Variants in PCM1 observed in about 807,000 individuals in gnomAD.
PCM1 encodes the protein pericentriolar material 1, also known as pericentriolar material 1 protein.
A neutral mutation model predicts 241.9 loss-of-function variants in PCM1; 157 were observed. The ratio of observed to expected loss-of-function variants is 0.65; its 90% CI spans 0.57 to 0.74. The LOEUF (loss-of-function observed/expected upper bound fraction) is 0.74. Among genes scored for constraint, PCM1 ranks in the 30% least tolerant of loss-of-function variants. The probability of loss-of-function intolerance (pLI) is 0.00; values close to 1 mark genes in which losing one functional copy is unlikely to be tolerated. For synonymous variants in PCM1, 1,085 were observed against 784.9 expected, an observed-to-expected ratio of 1.38 and a Z score of -6.39; for missense variants, 3,478 against 2,360.1, an observed-to-expected ratio of 1.47 and a Z score of -9.81.
At chr8:17,933,001 G>T (rs975710450) in intron 2 of PCM1, among the ~76,000 whole-genome samples, 15 of 152,106 alleles carry the variant, frequency 9.9e-5, no homozygotes, top group African/African-American at 3.4e-4. Flanking sequence ...TGACTCAAAC[G>T]ATTTTTCCCC....
chr8:17,991,126 C>T (rs1368237993), intron 27 of PCM1, among the ~76,000 whole-genome samples: 2 of 151,682 alleles, frequency 1.3e-5, no homozygotes, highest in Non-Finnish European at 2.9e-5. Flanking sequence ...ATTGATAGGC[C>T]TTTTTCTTAC....
intron 29 of PCM1, among the ~76,000 whole-genome samples, chr8:17,994,762 AGT>A: frequency 6.8e-6 from 1 of 146,212 alleles, no homozygotes; most frequent in African/African-American, 2.8e-5. Context: ...TTCTCGTTGT[AGT>A]TTTGATTGTC....
At chr8:18,012,765 T>G (rs1422655853) in intron 34 of PCM1, among the ~76,000 whole-genome samples, 1 of 152,218 alleles carries the variant, frequency 6.6e-6, no homozygotes, top group Non-Finnish European at 1.5e-5. Flanking sequence ...TACTCATGGA[T>G]TGATCTTCTG....
At chr8:17,951,119 C>T (rs986859079) in intron 8 of PCM1, among the ~76,000 whole-genome samples, 1 of 152,122 alleles carries the variant, frequency 6.6e-6, no homozygotes, top group African/African-American at 2.4e-5. Context: ...TTCTATACAG[C>T]CTTGGAATTC....
intron 8 of PCM1, 41 bp from the exon 9 acceptor site, chr8:17,952,929 T>G: frequency 1.7e-6 from 2 of 1,201,644 alleles, no homozygotes; most frequent in Non-Finnish European, 2.3e-6. Flanking sequence ...TTTAATTGCG[T>G]TAGTCTTAAT....
chr8:17,984,824 G>T (rs1409091071), intron 24 of PCM1, among the ~76,000 whole-genome samples: 5 of 151,896 alleles, frequency 3.3e-5, no homozygotes, highest in Admixed American at 6.6e-5. Context: ...ACTTCAGTTG[G>T]ATCACTTGCC....
intron 7 of PCM1, 115 bp downstream of exon 7, chr8:17,947,478 C>A (rs1004921756): frequency 3.9e-6 from 3 of 778,692 alleles, no homozygotes; most frequent in Admixed American, 2.6e-5. Flanking sequence ...AGTTTAGAAA[C>A]CTTCATATGA....
intron 27 of PCM1, among the ~76,000 whole-genome samples, chr8:17,990,980 G>T (rs896444029): frequency 6.6e-5 from 10 of 151,814 alleles, no homozygotes; most frequent in African/African-American, 9.7e-5. Context: ...CACCCCTTAG[G>T]TTGTCCCTCT....
intron 23 of PCM1, among the ~76,000 whole-genome samples, chr8:17,975,388 C>A (rs909590588): frequency 6.6e-6 from 1 of 152,046 alleles, no homozygotes; most frequent in African/African-American, 2.4e-5. Flanking sequence ...GTCTTGAACT[C>A]CCGATCTCAG....
Position 17,972,345 on chromosome 8 carries a change from G to C in PCM1, c.3601G>C (p.Glu1201Gln). The C allele has an allele frequency of 1.3e-6, 2 of 1,509,024 alleles. No individual in the cohort carries two copies. The highest frequency in any genetic ancestry group is 1.8e-4 in the Middle Eastern group (1 of 5,608). 93.5% of individuals were successfully genotyped at this position (1,509,024 alleles called of 1,614,324 possible). A position where few individuals can be genotyped will look rare whatever the true frequency, so the allele number is the denominator to read the frequency against. The change falls in exon 23 of 39, where the codon GAA becomes CAA. Residue 1201 changes from glutamate to glutamine, a missense_variant. Transcript: ENST00000325083. ...AEKPRNKKLP[E>Q]EEVESSRTPW... The stretch of plus-strand genomic sequence containing the variant: ...ATTGGTAAGGAATAAAAAACTGCCT[G>C]AAGAGGAGGTGGAAAGCAGTAGGAC...
Position 17,962,124 on chromosome 8 carries a change from A to G in PCM1, c.2413A>G (p.Thr805Ala). Residue 805 changes from threonine to alanine, a missense_variant, in exon 16 of 39, where the codon ACA (threonine) becomes GCA (alanine). By Grantham distance (58) the Thr-to-Ala change is moderately conservative (BLOSUM62 0). Coordinates refer to ENST00000325083, the MANE Select transcript of PCM1 (RefSeq NM_006197.4). ...AACTGTTAATCAACACGAGACCAGT[A>G]CAAGCAAATCTGTTTTTGAGCCTGA... The part of the protein sequence containing the change: ...TPTVNQHETS[T>A]SKSVFEPEDS... 1 of 1,610,460 alleles carries G rather than the reference A, an allele frequency of 6.2e-7. No homozygotes were observed. Among genetic ancestry groups the G allele is most frequent in the Non-Finnish European group, 8.5e-7 (1 of 1,177,868 alleles).
chr8:17,959,358 C>T (rs1278905961), intron 13 of PCM1, among the ~76,000 whole-genome samples: 1 of 151,624 alleles, frequency 6.6e-6, no homozygotes, highest in African/African-American at 2.4e-5. Flanking sequence ...TTATTTGTAG[C>T]TGCAGTACAG....
intron 1 of PCM1, among the ~76,000 whole-genome samples, chr8:17,924,093 C>T (rs1256482574): frequency 6.6e-6 from 1 of 151,674 alleles, no homozygotes; most frequent in Non-Finnish European, 1.5e-5. Flanking sequence ...GCTTTCTGGG[C>T]GCCCCTACCA....
intron 3 of PCM1, 70 bp downstream of exon 3, chr8:17,935,776 A>T (rs1313294314): frequency 1.3e-6 from 1 of 750,228 alleles, no homozygotes; most frequent in African/African-American, 1.7e-5. Flanking sequence ...CCCCTGACCA[A>T]ATTTAACTCA....
At position 17,985,959 on chromosome 8, in the gene PCM1, G is replaced by T; in HGVS notation, c.4282G>T (p.Asp1428Tyr). 1 of 1,522,418 alleles carries T rather than the reference G, an allele frequency of 6.6e-7. No homozygotes were observed. Among genetic ancestry groups the T allele is most frequent in the African/African-American group, 1.4e-5 (1 of 72,102 alleles). 94.3% of individuals were successfully genotyped at this position (1,522,418 alleles called of 1,614,324 possible). The change falls in exon 26 of 39, where the codon GAC becomes TAC. Residue 1428 changes from aspartate (D) to tyrosine (Y), a missense_variant and splice_region_variant. By Grantham distance (160) the Asp-to-Tyr change is radical (BLOSUM62 -3). Coordinates refer to ENST00000325083, the MANE Select transcript of PCM1 (RefSeq NM_006197.4). ...ATGATGATCTTATTTTCTTATTTAG[G>T]ACATAGTATCCAGACATATTTCTGA... The part of the protein sequence containing the change: ...LRQRALYALQ[D>Y]IVSRHISESH...
In PCM1 at chr8:17,983,063, A is replaced by G. The variant is rs184012963; in HGVS notation, c.4108+2308A>G. Among the ~76,000 whole-genome samples the G allele has an allele frequency of 1.3e-3, 205 of 152,062 alleles. 1 individual carries two copies. Among genetic ancestry groups the G allele is most frequent in the African/African-American group, 4.7e-3 (193 of 41,460 alleles). ...ATACGTTTATAGCAAACCTTTTGAGATTTTTTTTCTTGAGATTATTTTTAA... is the reference window on the plus strand; with the variant it reads ...ATACGTTTATAGCAAACCTTTTGAGGTTTTTTTTCTTGAGATTATTTTTAA... On this transcript the variant is annotated intron_variant, in intron 24 of 38. Coordinates refer to ENST00000325083, the MANE Select transcript of PCM1 (RefSeq NM_006197.4).
chr8:17,993,713 G>C (rs2085597675), intron 29 of PCM1, 94 bp downstream of exon 29: 1 of 1,031,098 alleles, frequency 9.7e-7, no homozygotes, highest in Non-Finnish European at 1.4e-6. Flanking sequence ...CAACGGTATA[G>C]GTAAACAACA....
At chr8:17,967,234 C>A in intron 21 of PCM1, 64 bp downstream of exon 21, 1 of 1,150,732 alleles carries the variant, frequency 8.7e-7, no homozygotes, top group Non-Finnish European at 1.2e-6. Flanking sequence ...CGTAATTTGT[C>A]TATTGCCTAG....
At chr8:18,020,363 C>A (rs535277914) in intron 36 of PCM1, among the ~76,000 whole-genome samples, 1 of 152,300 alleles carries the variant, frequency 6.6e-6, no homozygotes, top group Admixed American at 6.5e-5. Flanking sequence ...CTACAAGTTA[C>A]ACGTGCAGTT....
Sources: gnomAD v4.1 joint callset for allele counts (sites outside exome capture counted in the v4.1 genomes callset) on GRCh38, gnomAD v4.1.1 for gene constraint, MANE v1.5 for transcripts, NCBI Gene and HGNC (gene_info 2026-07-23, HGNC 2026-07-21) for gene names.